Variants in AP1G1 observed in about 807,000 individuals in gnomAD.
The protein encoded by AP1G1 is adaptor related protein complex 1 subunit gamma 1, also known as AP-1 complex subunit gamma-1.
In AP1G1, 7 loss-of-function variants were observed where a neutral mutation model predicts 108.3. The ratio of observed to expected loss-of-function variants is 0.06; its 90% CI spans 0.04 to 0.12. The LOEUF is 0.12. Ranked by LOEUF, AP1G1 falls within the 10% of genes least tolerant of loss-of-function variation. AP1G1 has a pLI of 1.00. For missense variants in AP1G1, 756 were observed against 1,010.7 expected, an observed-to-expected ratio of 0.75 and a Z score of 3.42; for synonymous variants, 379 against 353.5, an observed-to-expected ratio of 1.07 and a Z score of -0.81.
At chr16:71,799,321 A>T (rs1421343345) in intron 1 of AP1G1, among the ~76,000 whole-genome samples, 1 of 152,362 alleles carries the variant, frequency 6.6e-6, no homozygotes. Flanking sequence ...AAGCATCAGC[A>T]TATAAGGCGG....
At chr16:71,794,557 T>C (rs1597086713) in intron 1 of AP1G1, among the ~76,000 whole-genome samples, 1 of 152,128 alleles carries the variant, frequency 6.6e-6, no homozygotes, top group Non-Finnish European at 1.5e-5. Flanking sequence ...AACATAAAAT[T>C]CATTTTAGAA....
Position 71,750,273 on chromosome 16 carries a change from A to G in AP1G1, c.1344T>C (p.Ser448=), listed in dbSNP as rs780721886. 41 of 1,613,946 alleles carry G rather than the reference A, an allele frequency of 2.5e-5. 1 individual carries two copies. The South Asian group carries it at 4.2e-4, about 16-fold the overall frequency. The change falls in exon 14 of 23, where the codon AGT becomes AGC. Residue 448 remains serine, a synonymous_variant. Coordinates refer to ENST00000299980, the MANE Select transcript of AP1G1 (RefSeq NM_001128.6). ...VPNLIQLITN[S]VEMHAYTVQR... is the part of the protein sequence containing the mutation. ...GGACAGTATAGGCATGCATCTCCACACTATTAGTTATTAACTGGATTAAAT... is the reference window on the plus strand; with the variant it reads ...GGACAGTATAGGCATGCATCTCCACGCTATTAGTTATTAACTGGATTAAAT...
chr16:71,789,069 C>T (rs541520419), intron 2 of AP1G1, among the ~76,000 whole-genome samples: 31 of 152,286 alleles, frequency 2.0e-4, no homozygotes, highest in Non-Finnish European at 3.5e-4. Flanking sequence ...TTCTCTCATC[C>T]GTATAATGAG....
intron 2 of AP1G1, among the ~76,000 whole-genome samples, chr16:71,783,587 T>C (rs113441043): frequency 2.0e-4 from 30 of 152,210 alleles, no homozygotes; most frequent in South Asian, 4.1e-4. Context: ...ACAGAAAACA[T>C]TGTAAAATTT....
intron 18 of AP1G1, 53 bp from the exon 19 acceptor site, chr16:71,745,323 C>T (rs1597040120): frequency 1.4e-5 from 22 of 1,605,804 alleles, no homozygotes; most frequent in Middle Eastern, 1.7e-4. Flanking sequence ...GTCTAGTATA[C>T]ATCTAATGCA....
rs550476181 is a variant in AP1G1 at position 71,753,738 on chromosome 16, G to A, written c.1284+95C>T. The A allele has an allele frequency of 6.4e-6, 7 of 1,094,670 alleles. No homozygotes were observed. In the East Asian group the frequency reaches 7.2e-5, roughly 11 times the overall value. The allele number at this position is 1,094,670 out of a possible 1,614,324, so 67.8% of individuals were successfully genotyped here. Reference sequence around the variant, plus strand: ...TGACATTAATGTTACCTATTTACTTGTGAATTTCTTACCTCCCTGACTAGA... The same window carrying A: ...TGACATTAATGTTACCTATTTACTTATGAATTTCTTACCTCCCTGACTAGA... On this transcript the variant is annotated intron_variant, in intron 13 of 22. Coordinates refer to ENST00000299980, the MANE Select transcript of AP1G1 (RefSeq NM_001128.6).
rs2045477419 is a variant in AP1G1, at chr16:71,731,785, T to C, written c.*1273A>G. The C allele has an allele frequency of 6.6e-6, 1 of 152,640 alleles. No individual in the cohort carries two copies. The highest frequency in any genetic ancestry group is 2.4e-5 in the African/African-American group (1 of 41,460). 9.5% of individuals were successfully genotyped at this position (152,640 alleles called of 1,614,324 possible). A position where few individuals can be genotyped will look rare whatever the true frequency, so the allele number is the denominator to read the frequency against. On this transcript the variant is annotated 3_prime_UTR_variant, in exon 23 of 23. Coordinates refer to ENST00000299980, the MANE Select transcript of AP1G1 (RefSeq NM_001128.6). ...AATTTCTCAGACTGAGGAAAGGCTA[T>C]TCCTACCCTATGGTGTCCGTAAGAC...
At chr16:71,778,041 C>T (rs1372269784) in intron 2 of AP1G1, among the ~76,000 whole-genome samples, 4 of 152,164 alleles carry the variant, frequency 2.6e-5, no homozygotes, top group African/African-American at 9.7e-5. Flanking sequence ...ACATTTAAGA[C>T]ATACCTAAAA....
intron 1 of AP1G1, among the ~76,000 whole-genome samples, chr16:71,799,788 A>G (rs1464273794): frequency 6.6e-6 from 1 of 151,896 alleles, no homozygotes; most frequent in Non-Finnish European, 1.5e-5. Flanking sequence ...AGTCCCAGCT[A>G]CTCGGGAGGC....
At chr16:71,791,971 A>T (rs972020659) in intron 1 of AP1G1, among the ~76,000 whole-genome samples, 2 of 152,038 alleles carry the variant, frequency 1.3e-5, no homozygotes, top group Non-Finnish European at 1.5e-5. Flanking sequence ...CATGTTGGTC[A>T]GGTTGGTCTC....
chr16:71,770,825 A>G, intron 5 of AP1G1, among the ~76,000 whole-genome samples: 1 of 152,250 alleles, frequency 6.6e-6, no homozygotes, highest in East Asian at 1.9e-4. Context: ...TTATTGTAAA[A>G]TAGGCAAGAA....
chr16:71,768,580 T>C (rs893782115), intron 6 of AP1G1, among the ~76,000 whole-genome samples: 1 of 144,684 alleles, frequency 6.9e-6, no homozygotes, highest in Non-Finnish European at 1.5e-5. Context: ...AAACGAACAG[T>C]AGAGTAAAAG....
intron 1 of AP1G1, among the ~76,000 whole-genome samples, chr16:71,800,743 G>A (rs1328806656): frequency 6.6e-6 from 1 of 152,046 alleles, no homozygotes; most frequent in East Asian, 1.9e-4. Flanking sequence ...AGAACTTGCA[G>A]TGAGCTGGGA....
intron 1 of AP1G1, among the ~76,000 whole-genome samples, chr16:71,800,851 G>T (rs944355437): frequency 6.6e-6 from 1 of 151,048 alleles, no homozygotes; most frequent in East Asian, 1.9e-4. Context: ...CAAACTTAGC[G>T]GGGCATGGTG....
chr16:71,802,707 G>A (rs1349668671), intron 1 of AP1G1, among the ~76,000 whole-genome samples: 1 of 151,758 alleles, frequency 6.6e-6, no homozygotes. Context: ...TCCAGCCTGG[G>A]TGACAGAGCA....
In AP1G1 at chr16:71,730,049, G is replaced by A. The variant is rs2045463070; in HGVS notation, c.*3009C>T. On this transcript the variant is annotated 3_prime_UTR_variant, in exon 23 of 23. Coordinates refer to ENST00000299980, the MANE Select transcript of AP1G1 (RefSeq NM_001128.6). ...CATATATGAATGGGACAAACAAGGA[G>A]TACAAATCACACCTTTAAACTAGCA... 6.6e-6 allele frequency: 1 copy of A among 152,512 alleles called. No homozygotes were observed. The highest frequency in any genetic ancestry group is 6.5e-5 in the Admixed American group (1 of 15,278). 9.4% of individuals were successfully genotyped at this position (152,512 alleles called of 1,614,324 possible). A position where few individuals can be genotyped will look rare whatever the true frequency, so the allele number is the denominator to read the frequency against.
intron 2 of AP1G1, among the ~76,000 whole-genome samples, chr16:71,786,469 T>A (rs970770707): frequency 6.6e-6 from 1 of 150,662 alleles, no homozygotes; most frequent in Non-Finnish European, 1.5e-5. Flanking sequence ...CAACAAAAAT[T>A]TTTTTTTTTT....
chr16:71,742,448 A>C (rs369860255), intron 19 of AP1G1: 1 of 152,302 alleles, frequency 6.6e-6, no homozygotes, highest in South Asian at 2.1e-4. Context: ...GCGGTTAAAC[A>C]TATAAATTGA....
At chr16:71,807,403 G>C (rs2033032084) in intron 1 of AP1G1, among the ~76,000 whole-genome samples, 1 of 152,240 alleles carries the variant, frequency 6.6e-6, no homozygotes, top group Non-Finnish European at 1.5e-5. Context: ...CTGCACTCCA[G>C]CCTGGAGACA....
Sources: allele counts gnomAD v4.1 joint callset (sites outside exome capture counted in the v4.1 genomes callset), GRCh38; gene constraint gnomAD v4.1.1; transcripts MANE v1.5; gene names NCBI Gene and HGNC (gene_info 2026-07-23, HGNC 2026-07-21).